The following FGD4 variants were observed in gnomAD, a reference collection of about 807,000 sequenced individuals.
FGD4 encodes the protein FYVE, RhoGEF and PH domain containing 4.
A neutral mutation model predicts 102.0 loss-of-function variants in FGD4; 42 were observed. That is an observed-to-expected ratio of 0.41 (90% confidence interval 0.32 to 0.53). FGD4 has a LOEUF of 0.53. Among genes scored for constraint, FGD4 ranks in the 20% least tolerant of loss-of-function variants. FGD4 has a pLI of 0.21. For synonymous variants in FGD4, 380 were observed against 375.7 expected, an observed-to-expected ratio of 1.01 and a Z score of -0.13; for missense variants, 902 against 1,078.2, an observed-to-expected ratio of 0.84 and a Z score of 2.29.
intron 1 of FGD4, among the ~76,000 whole-genome samples, chr12:32,462,479 C>G (rs1943132436): frequency 6.6e-6 from 1 of 152,056 alleles, no homozygotes; most frequent in African/African-American, 2.4e-5. Flanking sequence ...AATTTTTTAA[C>G]CACAGCCCAG....
chr12:32,640,786 G>A lies in FGD4; in HGVS notation c.*253G>A, dbSNP rs1431734151. The A allele has an allele frequency of 1.3e-5, 8 of 609,466 alleles. No individual in the cohort carries two copies. The highest frequency in any genetic ancestry group is 2.3e-5 in the Non-Finnish European group (8 of 347,218). The allele number at this position is 609,466 out of a possible 1,614,324, so 37.8% of individuals were successfully genotyped here. A position where few individuals can be genotyped will look rare whatever the true frequency, so the allele number is the denominator to read the frequency against. On this transcript the variant is annotated 3_prime_UTR_variant, in exon 17 of 17. Transcript: ENST00000534526. ...CTATTCCTTGAATATGTGCTTTTTTGTCTTGAAGAAATGGTGTATCAATTG... is the reference window on the plus strand; with the variant it reads ...CTATTCCTTGAATATGTGCTTTTTTATCTTGAAGAAATGGTGTATCAATTG...
chr12:32,576,537 A>G, intron 3 of FGD4, 88 bp downstream of exon 3: 1 of 1,411,650 alleles, frequency 7.1e-7, no homozygotes, highest in Non-Finnish European at 9.9e-7. Context: ...TTCTAAATAA[A>G]AAGCATAATA....
chr12:32,626,486 T>A, intron 14 of FGD4, among the ~76,000 whole-genome samples: 1 of 144,590 alleles, frequency 6.9e-6, no homozygotes, highest in Admixed American at 6.9e-5. Flanking sequence ...AAAGAGCTAA[T>A]AATCAATAGA....
chr12:32,640,361 A>G lies in FGD4; in HGVS notation c.2540A>G (p.Lys847Arg). 1 of 1,614,188 alleles carries G rather than the reference A, an allele frequency of 6.2e-7. No individual in the cohort carries two copies. Among genetic ancestry groups the G allele is most frequent in the Non-Finnish European group, 8.5e-7 (1 of 1,180,030 alleles). The stretch of plus-strand genomic sequence containing the variant: ...AGCGCAGACCTGCCACACAGTTTCA[A>G]ACTGACCCAGTCTAAGTCCGTGCAC... ...PRSADLPHSFKLTQSKSVHSF... is the reference protein window; with the variant it reads ...PRSADLPHSFRLTQSKSVHSF... Residue 847 changes from lysine to arginine, a missense_variant, in exon 17 of 17, where the codon AAA becomes AGA. By Grantham distance (26) the Lys-to-Arg change is conservative (BLOSUM62 2). Coordinates refer to ENST00000534526, the MANE Select transcript of FGD4 (RefSeq NM_001370298.3).
At position 32,625,838 on chromosome 12, in the gene FGD4, A is replaced by G. The variant is rs115214348; in HGVS notation, c.2172+59A>G. 2.5e-3 allele frequency: 3,954 copies of G among 1,605,128 alleles called. 79 individuals carry two copies. In the African/African-American group the frequency reaches 0.047, roughly 19 times the overall value. ...GTAACTATATAAGTGATGTAAAGTC[A>G]TCAACTAGGGACACACAAAAAAATG... On this transcript the variant is annotated intron_variant, in intron 14 of 16. Transcript: ENST00000534526.
chr12:32,581,593 G>A (rs769175228), intron 3 of FGD4, among the ~76,000 whole-genome samples: 8 of 152,102 alleles, frequency 5.3e-5, no homozygotes, highest in African/African-American at 7.2e-5. Flanking sequence ...TGATAAATAC[G>A]TAAGTATTAT....
intron 1 of FGD4, among the ~76,000 whole-genome samples, chr12:32,461,051 A>G (rs1943092799): frequency 6.6e-6 from 1 of 152,240 alleles, no homozygotes; most frequent in South Asian, 2.1e-4. Context: ...TACTTGAGAC[A>G]TCTTATACAT....
At chr12:32,526,275 G>A (rs574007183) in intron 1 of FGD4, among the ~76,000 whole-genome samples, 91 of 152,324 alleles carry the variant, frequency 6.0e-4, no homozygotes, top group Non-Finnish European at 1.0e-3. Context: ...AGGACGTGGA[G>A]AACCTTTATG....
rs978521499 is a variant in FGD4, at chr12:32,641,420, C to G, written c.*887C>G. 6.6e-6 allele frequency: 1 copy of G among 152,128 alleles called. No individual in the cohort carries two copies. Among genetic ancestry groups the G allele is most frequent in the Non-Finnish European group, 1.5e-5 (1 of 68,016 alleles). The allele number at this position is 152,128 out of a possible 1,614,324, so 9.4% of individuals were successfully genotyped here. ...TCTGTGCCTATTTAAAACAGTGCCT[C>G]TCTTAGAAGGTGCTATTAATATAAG... On this transcript the variant is annotated 3_prime_UTR_variant, in exon 17 of 17. Transcript: ENST00000534526.
chr12:32,409,375 G>A (rs987711328), intron 1 of FGD4, among the ~76,000 whole-genome samples: 10 of 145,268 alleles, frequency 6.9e-5, no homozygotes, highest in Admixed American at 6.5e-4. Flanking sequence ...TGCAACCTCC[G>A]CCTCCCAGGT....
At chr12:32,572,124 G>A (rs960074186) in intron 2 of FGD4, among the ~76,000 whole-genome samples, 1 of 152,032 alleles carries the variant, frequency 6.6e-6, no homozygotes, top group African/African-American at 2.4e-5. Context: ...ACGCATAAAA[G>A]ATAAAATAGA....
At chr12:32,477,095 C>T (rs1013870155) in intron 1 of FGD4, among the ~76,000 whole-genome samples, 1 of 152,188 alleles carries the variant, frequency 6.6e-6, no homozygotes, top group African/African-American at 2.4e-5. Flanking sequence ...CAGGACCATC[C>T]TGGCCAACAT....
chr12:32,430,451 TTATATCGTA>T (rs1212269305), intron 1 of FGD4, among the ~76,000 whole-genome samples: 1 of 152,206 alleles, frequency 6.6e-6, no homozygotes, highest in African/African-American at 2.4e-5. Context: ...TTTGACTAGA[TTATATCGTA>T]TATCATTAGC....
At chr12:32,611,586 C>T (rs1949137377) in intron 10 of FGD4, among the ~76,000 whole-genome samples, 3 of 151,754 alleles carry the variant, frequency 2.0e-5, no homozygotes, top group Admixed American at 2.0e-4. Context: ...AGCGAGACTC[C>T]ATCTAAAAAA....
chr12:32,630,855 G>A (rs943590991), intron 14 of FGD4, among the ~76,000 whole-genome samples: 3 of 150,634 alleles, frequency 2.0e-5, no homozygotes, highest in East Asian at 1.9e-4. Context: ...GCACACACCC[G>A]TAGTCCCAGC....
chr12:32,438,371 G>A (rs757909862), intron 1 of FGD4, among the ~76,000 whole-genome samples: 184 of 152,192 alleles, frequency 1.2e-3, no homozygotes, highest in Non-Finnish European at 1.9e-3. Context: ...AATATCTGCC[G>A]TTAAGATAAA....
chr12:32,582,544 C>T, intron 4 of FGD4, 77 bp downstream of exon 4: 2 of 1,566,038 alleles, frequency 1.3e-6, no homozygotes, highest in Non-Finnish European at 1.7e-6. Flanking sequence ...TTATTTATTG[C>T]ACCCCTGAAA....
intron 1 of FGD4, among the ~76,000 whole-genome samples, chr12:32,479,999 C>A (rs752400162): frequency 6.6e-6 from 1 of 151,650 alleles, no homozygotes; most frequent in Admixed American, 6.6e-5. Context: ...CCATGTTGCT[C>A]AGCGTGGTCT....
In FGD4 at chr12:32,506,545, C is replaced by G. The variant is rs1244605495; in HGVS notation, c.167-57592C>G. On this transcript the variant is annotated intron_variant, in intron 1 of 16. Transcript: ENST00000534526. This position sits in a 1 kb window ranked among gnomAD's most constrained non-coding sequence, Gnocchi z 4.5. ...TCCTGTTGTGGGTTAGTACAACTTT[C>G]CTGTGGGCCTTTCCACAGGTATACG... Among the ~76,000 whole-genome samples, 1 of 152,118 alleles carries G rather than the reference C, an allele frequency of 6.6e-6. No homozygotes were observed. The highest frequency in any genetic ancestry group is 2.4e-5 in the African/African-American group (1 of 41,422).
Sources: allele counts gnomAD v4.1 joint callset (sites outside exome capture counted in the v4.1 genomes callset), GRCh38; gene constraint gnomAD v4.1.1; non-coding constraint Gnocchi (gnomAD v3.1); transcripts MANE v1.5; gene names NCBI Gene and HGNC (gene_info 2026-07-23, HGNC 2026-07-21).